The following SEMA5A variants were observed in gnomAD, a reference collection of about 807,000 sequenced individuals.
SEMA5A encodes the protein semaphorin-5A.
A neutral mutation model predicts 135.5 loss-of-function variants in SEMA5A; 55 were observed. That is an observed-to-expected ratio of 0.41 (90% confidence interval 0.33 to 0.51). The LOEUF is 0.51. Among genes scored for constraint, SEMA5A ranks in the 20% least tolerant of loss-of-function variants. The pLI is 0.37. For synonymous variants in SEMA5A, 580 were observed against 546.5 expected (o/e 1.06, Z -0.85); for missense variants, 1,290 against 1,419.9 (o/e 0.91, Z 1.47).
In SEMA5A at chr5:9,256,088, C is replaced by G. The variant is rs576186453; in HGVS notation, c.271-18198G>C. Among the ~76,000 whole-genome samples, 14 of 152,308 alleles carry G rather than the reference C, an allele frequency of 9.2e-5. No individual in the cohort carries two copies. In the South Asian group the frequency reaches 2.9e-3, roughly 32 times the overall value. On this transcript the variant is annotated intron_variant, in intron 5 of 22. Coordinates refer to ENST00000382496, the MANE Select transcript of SEMA5A (RefSeq NM_003966.3). Reference sequence around the variant, plus strand: ...TCCATTTCTCTACCAGTAACTCTTGCCTAAATTCTAATGCAATTTCCTAAT... The same window carrying G: ...TCCATTTCTCTACCAGTAACTCTTGGCTAAATTCTAATGCAATTTCCTAAT...
chr5:9,409,863 C>G (rs1225597020), intron 2 of SEMA5A, among the ~76,000 whole-genome samples: 1 of 105,762 alleles, frequency 9.5e-6, no homozygotes, highest in East Asian at 3.4e-4. Flanking sequence ...TTGGAAAACT[C>G]TGTGGTTTTA....
At chr5:9,151,668 T>G (rs1456144408) in intron 12 of SEMA5A, among the ~76,000 whole-genome samples, 1 of 152,150 alleles carries the variant, frequency 6.6e-6, no homozygotes. Flanking sequence ...TTCAGAGAAA[T>G]GCTTGGGTTG....
chr5:9,427,877 A>G (rs922845008), intron 2 of SEMA5A, among the ~76,000 whole-genome samples: 2 of 152,142 alleles, frequency 1.3e-5, no homozygotes, highest in African/African-American at 4.8e-5. Context: ...TTTTACATAT[A>G]GATTTCAGAG....
At chr5:9,086,173 G>T (rs1033340336) in intron 16 of SEMA5A, among the ~76,000 whole-genome samples, 1 of 152,132 alleles carries the variant, frequency 6.6e-6, no homozygotes, top group African/African-American at 2.4e-5. Context: ...TTTGGACTGT[G>T]GACTTTTGAG....
rs574726280 is a variant in SEMA5A, at chr5:9,045,559, G to A, written c.2894-975C>T. Reference sequence around the variant, plus strand: ...GTAACTATTATAAGCACTTTCTCCCGTGCCCTTCCGGAGATACTCAGCACA... The same window carrying A: ...GTAACTATTATAAGCACTTTCTCCCATGCCCTTCCGGAGATACTCAGCACA... On this transcript the variant is annotated intron_variant, in intron 21 of 22. Coordinates refer to ENST00000382496, the MANE Select transcript of SEMA5A (RefSeq NM_003966.3). Among the ~76,000 whole-genome samples the A allele has an allele frequency of 9.9e-5, 15 of 152,154 alleles. No individual in the cohort carries two copies. In the South Asian group the frequency reaches 1.0e-3, roughly 11 times the overall value.
chr5:9,155,499 C>A (rs2387817), intron 11 of SEMA5A, among the ~76,000 whole-genome samples: 22,186 of 151,358 alleles, frequency 0.15, 2,912 homozygotes, highest in East Asian at 0.46. Flanking sequence ...GTGCTGCACC[C>A]CGCAACTCCT....
chr5:9,331,483 G>A (rs1374179229), intron 4 of SEMA5A, among the ~76,000 whole-genome samples: 1 of 152,190 alleles, frequency 6.6e-6, no homozygotes, highest in Admixed American at 6.5e-5. Context: ...TCAACTCAAT[G>A]TAAATAGTAA....
Position 9,456,468 on chromosome 5 carries a change from A to T in SEMA5A, c.-174-18616T>A, listed in dbSNP as rs1229940290. ...GGATTTCAAGGAGAAAACAGAGGAAAAAGGACAAGTAGAAAAAAAGGAAGG... is the reference window on the plus strand; with the variant it reads ...GGATTTCAAGGAGAAAACAGAGGAATAAGGACAAGTAGAAAAAAAGGAAGG... On this transcript the variant is annotated intron_variant, in intron 1 of 22. Transcript: ENST00000382496. Among the ~76,000 whole-genome samples, 3 of 115,022 alleles carry T rather than the reference A, an allele frequency of 2.6e-5. No individual in the cohort carries two copies. In the East Asian group the frequency reaches 6.4e-4, roughly 25 times the overall value. The allele number at this position is 115,022 out of a possible 152,430, so 75.5% of individuals were successfully genotyped here.
chr5:9,438,137 C>T (rs1758100448), intron 1 of SEMA5A, among the ~76,000 whole-genome samples: 1 of 152,182 alleles, frequency 6.6e-6, no homozygotes, highest in Non-Finnish European at 1.5e-5. Flanking sequence ...CCAGAAGAAC[C>T]ATTATTTCAA....
intron 16 of SEMA5A, among the ~76,000 whole-genome samples, chr5:9,101,944 T>A (rs905527637): frequency 6.6e-6 from 1 of 152,220 alleles, no homozygotes; most frequent in Non-Finnish European, 1.5e-5. Flanking sequence ...AATGTTCAAG[T>A]ATCCACAGCT....
chr5:9,392,035 A>T (rs1056284732), intron 2 of SEMA5A, among the ~76,000 whole-genome samples: 3 of 152,078 alleles, frequency 2.0e-5, no homozygotes, highest in African/African-American at 7.2e-5. Flanking sequence ...AAACCCACCA[A>T]GCTCATCACC....
rs572449051 is a variant in SEMA5A, at chr5:9,131,189, G to A, written c.1599+5315C>T. 2.6e-5 allele frequency among the ~76,000 whole-genome samples: 4 copies of A among 152,278 alleles called. No homozygotes were observed. In the South Asian group the frequency reaches 8.3e-4, roughly 32 times the overall value. On this transcript the variant is annotated intron_variant, in intron 13 of 22. Transcript: ENST00000382496. ...ATTTTGGTCACAGTTTTGCAGACTGGCCAAGAAGCATAGTGCTGGCATCTG... is the reference window on the plus strand; with the variant it reads ...ATTTTGGTCACAGTTTTGCAGACTGACCAAGAAGCATAGTGCTGGCATCTG...
intron 1 of SEMA5A, among the ~76,000 whole-genome samples, chr5:9,537,200 G>A (rs1737816109): frequency 6.6e-6 from 1 of 152,136 alleles, no homozygotes; most frequent in Non-Finnish European, 1.5e-5. Context: ...GAAGCTACCG[G>A]AACCAATACA....
rs116944926 is a variant in SEMA5A, at chr5:9,137,661, T to C, written c.1482-1040A>G. Among the ~76,000 whole-genome samples, 10 of 152,228 alleles carry C rather than the reference T, an allele frequency of 6.6e-5. No homozygotes were observed. In the East Asian group the frequency reaches 1.9e-3, roughly 29 times the overall value. ...CCCCTCTTAGAGGCAGGATAGTACT[T>C]ACAGTGAGGGAGGTCCTGTTACAAA... On this transcript the variant is annotated intron_variant, in intron 12 of 22. Coordinates refer to ENST00000382496, the MANE Select transcript of SEMA5A (RefSeq NM_003966.3).
intron 17 of SEMA5A, among the ~76,000 whole-genome samples, chr5:9,064,358 G>C (rs1737342335): frequency 6.6e-6 from 1 of 152,178 alleles, no homozygotes; most frequent in South Asian, 2.1e-4. Context: ...GTTTATGGAG[G>C]CACTATTCAC....
At chr5:9,417,045 T>C (rs1757306117) in intron 2 of SEMA5A, among the ~76,000 whole-genome samples, 1 of 152,278 alleles carries the variant, frequency 6.6e-6, no homozygotes, top group African/African-American at 2.4e-5. Flanking sequence ...GGGAGCCTGG[T>C]ACACTCATTG....
intron 18 of SEMA5A, among the ~76,000 whole-genome samples, chr5:9,060,969 C>G (rs571116429): frequency 6.6e-6 from 1 of 151,934 alleles, no homozygotes; most frequent in African/African-American, 2.4e-5. Context: ...GCCTTCCTCC[C>G]AATTTCCCAT....
chr5:9,094,036 A>C (rs1338937395), intron 16 of SEMA5A, among the ~76,000 whole-genome samples: 1 of 152,046 alleles, frequency 6.6e-6, no homozygotes, highest in Non-Finnish European at 1.5e-5. Context: ...TTCTCTCATA[A>C]TTGCTCTGAT....
At chr5:9,507,593 CTCAG>C (rs1167777354) in intron 1 of SEMA5A, among the ~76,000 whole-genome samples, 2 of 152,156 alleles carry the variant, frequency 1.3e-5, no homozygotes, top group Non-Finnish European at 2.9e-5. Flanking sequence ...GAGATAAAGT[CTCAG>C]TCAGTGTAAG....
Sources: gnomAD v4.1 joint callset for allele counts (sites outside exome capture counted in the v4.1 genomes callset) on GRCh38, gnomAD v4.1.1 for gene constraint, MANE v1.5 for transcripts, NCBI Gene and HGNC (gene_info 2026-07-23, HGNC 2026-07-21) for gene names.